The following OXTR variants were observed in gnomAD, a reference collection of about 807,000 sequenced individuals.
OXTR encodes oxytocin receptor.
In OXTR, 19 loss-of-function variants were observed where a neutral mutation model predicts 23.9. That is an observed-to-expected ratio of 0.80 (90% confidence interval 0.56 to 1.17). The LOEUF (loss-of-function observed/expected upper bound fraction) is 1.17. Ranked by LOEUF, OXTR falls within the 50% of genes most tolerant of loss-of-function variation. OXTR has a pLI of 0.00. For missense variants in OXTR, 500 were observed against 550.7 expected (o/e 0.91, Z 0.92); for synonymous variants, 278 against 250.5 (o/e 1.11, Z -1.04).
chr3:8,765,931 T>C (rs991416948), intron 3 of OXTR, among the ~76,000 whole-genome samples: 3 of 152,184 alleles, frequency 2.0e-5, no homozygotes, highest in African/African-American at 7.2e-5. Flanking sequence ...CTGGAGTCTG[T>C]GATTTTCAGA....
At position 8,753,127 on chromosome 3, in the gene OXTR, G is replaced by A. The variant is rs147196096; in HGVS notation, c.1020C>T (p.Leu340=). The change falls in exon 4 of 4, where the codon CTC becomes CTT. Residue 340 remains leucine (L), a synonymous_variant. Transcript: ENST00000316793. ...CGGAGCAGCACAGGAAGCGCTGCAC[G>A]AGTTCGTGGAAGAGGTGGCCCGTGA... ...MLFTGHLFHE[L]VQRFLCCSAS... The A allele has an allele frequency of 1.8e-4, 283 of 1,614,066 alleles. No individual in the cohort carries two copies. The highest frequency in any genetic ancestry group is 2.2e-4 in the Non-Finnish European group (257 of 1,180,054).
Position 8,767,425 on chromosome 3 carries a change from C to A in OXTR, c.763G>T (p.Val255Leu). The A allele has an allele frequency of 3.1e-6, 5 of 1,607,514 alleles. No individual in the cohort carries two copies. The highest frequency in any genetic ancestry group is 1.3e-5 in the African/African-American group (1 of 74,790). The change falls in exon 3 of 4, where the codon GTG becomes TTG. Residue 255 changes from valine to leucine, a missense_variant. Transcript: ENST00000316793. ...EGAAAGDGGR[V>L]ALARVSSVKL... is the part of the protein sequence containing the mutation. ...ACGCTGCTGACACGCGCCAGGGCCA[C>A]GCGCCCCCCATCGCCAGCCGCCGCG... is the stretch of plus-strand genomic sequence containing the variant.
intron 3 of OXTR, among the ~76,000 whole-genome samples, chr3:8,754,552 G>A (rs1708337165): frequency 6.6e-6 from 1 of 152,200 alleles, no homozygotes; most frequent in South Asian, 2.1e-4. Flanking sequence ...ACTCTTCACT[G>A]GGGATGCTCA....
At chr3:8,765,170 T>C (rs987027250) in intron 3 of OXTR, among the ~76,000 whole-genome samples, 2 of 152,216 alleles carry the variant, frequency 1.3e-5, no homozygotes, top group Admixed American at 1.3e-4. Flanking sequence ...ATTGTTGACG[T>C]GCTTTTAAAG....
chr3:8,745,590 T>C, downstream of OXTR: 2 of 1,612,572 alleles, frequency 1.2e-6, 1 homozygote, highest in Middle Eastern at 3.3e-4. The surrounding 1 kb of genome is among the most constrained non-coding windows in gnomAD (Gnocchi z 4.8). Flanking sequence ...GTGTGGAAGG[T>C]GAGCTACACC....
In OXTR at chr3:8,751,172, A is replaced by C. The variant is rs907792191; in HGVS notation, c.*1805T>G. 6.6e-6 allele frequency: 1 copy of C among 152,166 alleles called. No individual in the cohort carries two copies. The highest frequency in any genetic ancestry group is 6.5e-5 in the Admixed American group (1 of 15,282). The allele number at this position is 152,166 out of a possible 1,614,324, so 9.4% of individuals were successfully genotyped here. Reference sequence around the variant, plus strand: ...TTTCATGTGCTTAGTAGCCATTTGCATATCTTCTTTGGAGAAATGTCTATT... The same window carrying C: ...TTTCATGTGCTTAGTAGCCATTTGCCTATCTTCTTTGGAGAAATGTCTATT... On this transcript the variant is annotated 3_prime_UTR_variant, in exon 4 of 4. Coordinates refer to ENST00000316793, the MANE Select transcript of OXTR (RefSeq NM_000916.4).
intron 3 of OXTR, among the ~76,000 whole-genome samples, chr3:8,766,980 C>A (rs1708620786): frequency 6.6e-6 from 1 of 152,196 alleles, no homozygotes; most frequent in South Asian, 2.1e-4. Context: ...AGCCCAAGGA[C>A]TGTGCTAAGG....
At chr3:8,758,245 C>T (rs191017906) in intron 3 of OXTR, among the ~76,000 whole-genome samples, 12 of 152,216 alleles carry the variant, frequency 7.9e-5, no homozygotes, top group African/African-American at 9.6e-5. Flanking sequence ...TAGGATTTCC[C>T]GGCACTCTCT....
the OXTR span, among the ~76,000 whole-genome samples, chr3:8,743,055 GT>G: frequency 6.6e-6 from 1 of 151,910 alleles, no homozygotes; most frequent in Non-Finnish European, 1.5e-5. Context: ...GAGCTGCCGG[GT>G]TCTTTTAAAC....
At chr3:8,765,805 C>G (rs1575490362) in intron 3 of OXTR, among the ~76,000 whole-genome samples, 2 of 152,198 alleles carry the variant, frequency 1.3e-5, no homozygotes, top group East Asian at 3.9e-4. Flanking sequence ...TCTCGGGGCC[C>G]TAGAACCCTC....
At chr3:8,764,495 G>C (rs939201967) in intron 3 of OXTR, among the ~76,000 whole-genome samples, 4 of 152,236 alleles carry the variant, frequency 2.6e-5, no homozygotes, top group African/African-American at 9.6e-5. Context: ...CTCTTGAGTA[G>C]CTCAAGTGTG....
the OXTR span, among the ~76,000 whole-genome samples, chr3:8,743,273 T>C: frequency 6.6e-6 from 1 of 152,010 alleles, no homozygotes; most frequent in Admixed American, 6.5e-5. Context: ...GATGAATACA[T>C]GAAAGAAAAA....
At position 8,768,014 on chromosome 3, in the gene OXTR, C is replaced by T. The variant is rs1204567577; in HGVS notation, c.174G>A (p.Ala58=). 6.2e-7 allele frequency: 1 copy of T among 1,608,738 alleles called. No homozygotes were observed. Among genetic ancestry groups the T allele is most frequent in the Non-Finnish European group, 8.5e-7 (1 of 1,178,048 alleles). The change falls in exon 3 of 4, where the codon GCG becomes GCA. Residue 58 remains alanine (A), a synonymous_variant. Transcript: ENST00000316793. The surrounding 1 kb of genome is among the most constrained non-coding windows in gnomAD (Gnocchi z 5.4). The part of the protein sequence containing the change: ...LILLLALSGN[A]CVLLALRTTR... Reference sequence around the variant, plus strand: ...TGGTGCGCAGCGCCAGCAGCACACACGCGTTCCCGCTCAGCGCCAGGAGCA... The same window carrying T: ...TGGTGCGCAGCGCCAGCAGCACACATGCGTTCCCGCTCAGCGCCAGGAGCA...
At chr3:8,753,370 A>C (rs1708310977) in intron 3 of OXTR, 146 bp from the exon 4 acceptor site, 10 of 1,004,424 alleles carry the variant, frequency 1.0e-5, no homozygotes, top group Non-Finnish European at 1.3e-5. Flanking sequence ...GGTACTAAAG[A>C]GGCAAAGTTT....
At chr3:8,763,353 G>C (rs1708531478) in intron 3 of OXTR, among the ~76,000 whole-genome samples, 1 of 152,194 alleles carries the variant, frequency 6.6e-6, no homozygotes, top group African/African-American at 2.4e-5. Flanking sequence ...GCTCAGAGCA[G>C]GTAAAGCAAC....
In OXTR at chr3:8,767,735, G is replaced by A; in HGVS notation, c.453C>T (p.Arg151=). The A allele has an allele frequency of 6.2e-7, 1 of 1,610,162 alleles. No individual in the cohort carries two copies. Among genetic ancestry groups the A allele is most frequent in the Non-Finnish European group, 8.5e-7 (1 of 1,178,394 alleles). Residue 151 remains arginine, a synonymous_variant, in exon 3 of 4, where the codon CGC becomes CGT. Transcript: ENST00000316793. ...TGGCGAGCACTGCCAGGCGGTCGGT[G>A]CGGCGGCGCAGCGAGCGCAGCGGCT... ...ICQPLRSLRR[R]TDRLAVLATW...
Position 8,767,640 on chromosome 3 carries a change from C to T in OXTR, c.548G>A (p.Gly183Asp), listed in dbSNP as rs1268771830. Reference protein sequence around the residue: ...HIFSLREVADGVFDCWAVFIQ... With the variant: ...HIFSLREVADDVFDCWAVFIQ... The stretch of plus-strand genomic sequence containing the variant: ...GAAGACGGCCCAGCAGTCGAAGACG[C>T]CGTCAGCCACCTCGCGCAGAGAGAA... The change falls in exon 3 of 4, where the codon GGC (glycine) becomes GAC (aspartate). Residue 183 changes from glycine (G) to aspartate (D), a missense_variant. Physicochemically the swap from Gly to Asp is moderately conservative, Grantham distance 94. Coordinates refer to ENST00000316793, the MANE Select transcript of OXTR (RefSeq NM_000916.4). The T allele has an allele frequency of 6.2e-7, 1 of 1,612,914 alleles. No homozygotes were observed. Among genetic ancestry groups the T allele is most frequent in the Non-Finnish European group, 8.5e-7 (1 of 1,179,670 alleles).
intron 3 of OXTR, among the ~76,000 whole-genome samples, chr3:8,754,400 A>T (rs553944286): frequency 6.6e-6 from 1 of 152,346 alleles, no homozygotes; most frequent in East Asian, 1.9e-4. Context: ...CAAGGAAAAC[A>T]ACTAAGAATT....
Position 8,767,992 on chromosome 3 carries a change from T to A in OXTR, c.196A>T (p.Thr66Ser). Residue 66 changes from threonine (T) to serine (S), a missense_variant, in exon 3 of 4, where the codon ACC (threonine) becomes TCC (serine). Thr to Ser is a moderately conservative substitution (Grantham distance 58). Coordinates refer to ENST00000316793, the MANE Select transcript of OXTR (RefSeq NM_000916.4). ...AGGCGCGAGTGCTTCTGGCGTGTGGTGCGCAGCGCCAGCAGCACACACGCG... is the reference window on the plus strand; with the variant it reads ...AGGCGCGAGTGCTTCTGGCGTGTGGAGCGCAGCGCCAGCAGCACACACGCG... ...GNACVLLALR[T>S]TRQKHSRLFF... 6.2e-7 allele frequency: 1 copy of A among 1,611,306 alleles called. No individual in the cohort carries two copies. The highest frequency in any genetic ancestry group is 1.1e-5 in the South Asian group (1 of 90,570).
Sources: gnomAD v4.1 joint callset for allele counts (sites outside exome capture counted in the v4.1 genomes callset) on GRCh38, gnomAD v4.1.1 for gene constraint, Gnocchi (gnomAD v3.1) non-coding constraint, MANE v1.5 for transcripts, NCBI Gene and HGNC (gene_info 2026-07-23, HGNC 2026-07-21) for gene names.